Variants in PRDM16 observed in about 807,000 individuals in gnomAD.
PRDM16 encodes the protein histone-lysine N-methyltransferase PRDM16.
PRDM16 carries 23 observed loss-of-function variants against 110.6 expected under a neutral mutation model. The ratio of observed to expected loss-of-function variants is 0.21; its 90% CI spans 0.15 to 0.29. The LOEUF (loss-of-function observed/expected upper bound fraction) is 0.29, where lower values mean the gene tolerates loss of function less well. Ranked by LOEUF, PRDM16 falls within the 10% of genes least tolerant of loss-of-function variation. The probability of loss-of-function intolerance (pLI) is 1.00; values close to 1 mark genes in which losing one functional copy is unlikely to be tolerated. For synonymous variants in PRDM16, 799 were observed against 781.8 expected, an observed-to-expected ratio of 1.02 and a Z score of -0.37; for missense variants, 1,615 against 1,794.3, an observed-to-expected ratio of 0.90 and a Z score of 1.81.
chr1:3,244,160 G>A lies in PRDM16; in HGVS notation c.438+23G>A, dbSNP rs145443645. ...AAGGTAGGAGAGCTCGCCCTGCGCC[G>A]TCTCAGCTCCCCAGCGTCCTCGGAG... On this transcript the variant is annotated intron_variant, in intron 3 of 16. Transcript: ENST00000270722. The surrounding 1 kb of genome is among the most constrained non-coding windows in gnomAD (Gnocchi z 4.1). 544 of 1,612,166 alleles carry A rather than the reference G, an allele frequency of 3.4e-4. No homozygotes were observed. In the African/African-American group the frequency reaches 5.3e-3, roughly 16 times the overall value.
chr1:3,070,392 G>A (rs1003137809), intron 1 of PRDM16, among the ~76,000 whole-genome samples: 2 of 147,634 alleles, frequency 1.4e-5, no homozygotes, highest in Non-Finnish European at 3.0e-5. Flanking sequence ...GGTGAGGCGG[G>A]CGGGCAGGTG....
At chr1:3,079,337 C>A (rs1641968597) in intron 1 of PRDM16, among the ~76,000 whole-genome samples, 1 of 152,054 alleles carries the variant, frequency 6.6e-6, no homozygotes, top group Admixed American at 6.5e-5. Context: ...CTGGCCCAGC[C>A]CCTGTGTGTG....
At chr1:3,315,906 C>T (rs1431140082) in intron 3 of PRDM16, among the ~76,000 whole-genome samples, 10 of 151,590 alleles carry the variant, frequency 6.6e-5, no homozygotes, top group African/African-American at 1.9e-4. Flanking sequence ...ATGCGTTGCC[C>T]GAGTGGCGGT....
chr1:3,086,152 C>T (rs1447118435), intron 1 of PRDM16, among the ~76,000 whole-genome samples: 11 of 152,184 alleles, frequency 7.2e-5, no homozygotes, highest in Non-Finnish European at 1.6e-4. Flanking sequence ...CAGGTCCCCT[C>T]CTCTCAGGGC....
chr1:3,419,290 G>T (rs957522654), intron 12 of PRDM16, among the ~76,000 whole-genome samples: 1 of 152,172 alleles, frequency 6.6e-6, no homozygotes, highest in African/African-American at 2.4e-5. Flanking sequence ...GATGGGAAGC[G>T]GTGCGTCTGC....
chr1:3,240,946 C>T (rs1032461254), intron 2 of PRDM16, among the ~76,000 whole-genome samples: 8 of 152,236 alleles, frequency 5.3e-5, no homozygotes, highest in African/African-American at 1.9e-4. Flanking sequence ...ATACTTCTGC[C>T]GGGGTGCGGG....
intron 1 of PRDM16, among the ~76,000 whole-genome samples, chr1:3,156,254 G>A (rs1326660554): frequency 6.6e-6 from 1 of 152,186 alleles, no homozygotes; most frequent in Non-Finnish European, 1.5e-5. Flanking sequence ...CCGGGCAGCA[G>A]GACAGTTTCC....
At chr1:3,155,223 G>C (rs1016011289) in intron 1 of PRDM16, among the ~76,000 whole-genome samples, 1 of 152,248 alleles carries the variant, frequency 6.6e-6, no homozygotes, top group Non-Finnish European at 1.5e-5. Flanking sequence ...TCCAGAGCTG[G>C]CTCAAACACC....
intron 3 of PRDM16, among the ~76,000 whole-genome samples, chr1:3,384,843 G>C (rs562334539): frequency 6.6e-6 from 1 of 152,306 alleles, no homozygotes; most frequent in African/African-American, 2.4e-5. Flanking sequence ...GCTTTGCTGC[G>C]GGGGTGGGGG....
intron 3 of PRDM16, among the ~76,000 whole-genome samples, chr1:3,285,004 C>T (rs1375409932): frequency 6.6e-6 from 1 of 152,182 alleles, no homozygotes; most frequent in Non-Finnish European, 1.5e-5. Context: ...GTAGGTTTCT[C>T]TGGCCGGTAT....
chr1:3,124,512 C>T (rs2100669023), intron 1 of PRDM16, among the ~76,000 whole-genome samples: 1 of 152,336 alleles, frequency 6.6e-6, no homozygotes, highest in African/African-American at 2.4e-5. Context: ...TTTTGGAAGG[C>T]AGCGATGCTT....
At chr1:3,396,955 A>G (rs979486492) in intron 5 of PRDM16, among the ~76,000 whole-genome samples, 11 of 152,100 alleles carry the variant, frequency 7.2e-5, no homozygotes, top group Non-Finnish European at 1.3e-4. Context: ...TATTGCTATT[A>G]TTCTTATTAG....
At chr1:3,196,971 A>C (rs1569824425) in intron 2 of PRDM16, among the ~76,000 whole-genome samples, 1 of 152,174 alleles carries the variant, frequency 6.6e-6, no homozygotes. Flanking sequence ...ACTGTTGCCC[A>C]GGGGGGTCTG....
intron 3 of PRDM16, among the ~76,000 whole-genome samples, chr1:3,302,935 C>G (rs148760448): frequency 2.2e-4 from 33 of 152,206 alleles, no homozygotes; most frequent in African/African-American, 7.7e-4. Context: ...ACAAAGACAT[C>G]TTAGCAAGTA....
chr1:3,130,321 G>T lies in PRDM16; in HGVS notation c.38-55804G>T, dbSNP rs367805902. 3.3e-5 allele frequency among the ~76,000 whole-genome samples: 5 copies of T among 152,320 alleles called. No homozygotes were observed. The East Asian group carries it at 7.7e-4, about 24-fold the overall frequency. ...GGGGCTCCAGGGCTGTGGTCTAAGC[G>T]CACCACTGTGCCCCATATCCCAGTG... On this transcript the variant is annotated intron_variant, in intron 1 of 16. Transcript: ENST00000270722.
rs1638843149 is a variant in PRDM16, at chr1:3,433,976, A to G, written c.*165A>G. ...CTTTTCCAATGGAAACTCAGATCCC[A>G]AAAGTCCCTAAAGCAGTCGTAGAGT... On this transcript the variant is annotated 3_prime_UTR_variant, in exon 17 of 17. Coordinates refer to ENST00000270722, the MANE Select transcript of PRDM16 (RefSeq NM_022114.4). The G allele has an allele frequency of 1.4e-6, 1 of 692,864 alleles. No homozygotes were observed. The highest frequency in any genetic ancestry group is 2.4e-6 in the Non-Finnish European group (1 of 422,084). 42.9% of individuals were successfully genotyped at this position (692,864 alleles called of 1,614,324 possible).
chr1:3,273,174 G>A (rs550656943), intron 3 of PRDM16, among the ~76,000 whole-genome samples: 3 of 152,282 alleles, frequency 2.0e-5, no homozygotes, highest in African/African-American at 4.8e-5. Flanking sequence ...GGGCTCCATG[G>A]CAGAGCAGGT....
intron 12 of PRDM16, among the ~76,000 whole-genome samples, chr1:3,420,954 C>G (rs1638409315): frequency 6.6e-6 from 1 of 152,092 alleles, no homozygotes; most frequent in African/African-American, 2.4e-5. Context: ...GACCGAGATT[C>G]CTGCCTCAGG....
intron 2 of PRDM16, among the ~76,000 whole-genome samples, chr1:3,211,313 G>C (rs975225384): frequency 1.3e-5 from 2 of 152,174 alleles, no homozygotes; most frequent in Non-Finnish European, 2.9e-5. Flanking sequence ...TAAGTAGACC[G>C]ATTGAAAATA....
Sources: allele counts gnomAD v4.1 joint callset (sites outside exome capture counted in the v4.1 genomes callset), GRCh38; gene constraint gnomAD v4.1.1; non-coding constraint Gnocchi (gnomAD v3.1); transcripts MANE v1.5; gene names NCBI Gene and HGNC (gene_info 2026-07-23, HGNC 2026-07-21).